Variants in SH3RF1 observed in about 807,000 individuals in gnomAD.
The protein encoded by SH3RF1 is E3 ubiquitin-protein ligase SH3RF1.
Under a neutral mutation model 74.0 loss-of-function variants are expected in SH3RF1, and 32 were observed. That is an observed-to-expected ratio of 0.43 (90% CI 0.33 to 0.58). The LOEUF is 0.58. SH3RF1 is among the 20% of genes least tolerant of loss of function. The probability of loss-of-function intolerance (pLI) is 0.05; values close to 1 mark genes in which losing one functional copy is unlikely to be tolerated. For missense variants in SH3RF1, 954 were observed against 1,130.9 expected (o/e 0.84, Z 2.24); for synonymous variants, 396 against 439.6 (o/e 0.90, Z 1.24).
intron 2 of SH3RF1, among the ~76,000 whole-genome samples, chr4:169,209,816 G>T (rs1441885429): frequency 6.6e-6 from 1 of 152,106 alleles, no homozygotes; most frequent in Non-Finnish European, 1.5e-5. Flanking sequence ...TGGAGACAGG[G>T]TCTCACTCTG....
At chr4:169,249,483 T>C (rs937224943) in intron 2 of SH3RF1, among the ~76,000 whole-genome samples, 6 of 152,178 alleles carry the variant, frequency 3.9e-5, no homozygotes, top group African/African-American at 9.7e-5. Context: ...AGAAATAAAT[T>C]TGGGGTATAT....
intron 11 of SH3RF1, among the ~76,000 whole-genome samples, chr4:169,104,182 G>C (rs567127220): frequency 6.6e-6 from 1 of 152,182 alleles, no homozygotes; most frequent in Non-Finnish European, 1.5e-5. Context: ...CCAGTGCCTA[G>C]GGAGAGTCTG....
intron 2 of SH3RF1, among the ~76,000 whole-genome samples, chr4:169,165,198 C>T (rs1162436242): frequency 6.6e-6 from 1 of 152,158 alleles, no homozygotes; most frequent in African/African-American, 2.4e-5. Flanking sequence ...AAGAATCTGC[C>T]CTTCTCTTGC....
At chr4:169,218,236 C>CTATAATATAGAATATGTTTATA (rs1730497152) in intron 2 of SH3RF1, among the ~76,000 whole-genome samples, 2 of 135,012 alleles carry the variant, frequency 1.5e-5, no homozygotes, top group African/African-American at 5.5e-5. Flanking sequence ...CATATTCTGT[C>CTATAATATAGAATATGTTTATA]TATAATATAG....
intron 2 of SH3RF1, among the ~76,000 whole-genome samples, chr4:169,194,763 G>C (rs1044821000): frequency 6.6e-6 from 1 of 152,148 alleles, no homozygotes; most frequent in Admixed American, 6.6e-5. Context: ...TTCATAAACT[G>C]TTGTACCAGT....
At chr4:169,107,649 T>C (rs1464370946) in intron 10 of SH3RF1, among the ~76,000 whole-genome samples, 1 of 152,250 alleles carries the variant, frequency 6.6e-6, no homozygotes, top group East Asian at 1.9e-4. Flanking sequence ...AACTTCTGCC[T>C]ATCCTATCTC....
At chr4:169,213,454 A>G (rs1730412965) in intron 2 of SH3RF1, among the ~76,000 whole-genome samples, 1 of 152,208 alleles carries the variant, frequency 6.6e-6, no homozygotes, top group Non-Finnish European at 1.5e-5. Context: ...TCTTTCACAA[A>G]TATTTTCTCC....
chr4:169,164,243 T>A (rs940581604), intron 2 of SH3RF1, among the ~76,000 whole-genome samples: 2 of 152,224 alleles, frequency 1.3e-5, no homozygotes, highest in Non-Finnish European at 2.9e-5. Flanking sequence ...TACCTCAGTG[T>A]CTGTGAAAAA....
chr4:169,139,154 C>T lies in SH3RF1; in HGVS notation c.766-2534G>A, dbSNP rs1733745051. Among the ~76,000 whole-genome samples the T allele has an allele frequency of 3.3e-5, 5 of 152,264 alleles. No individual in the cohort carries two copies. The South Asian group carries it at 1.0e-3, about 32-fold the overall frequency. ...AATGAGGTCTCATTATGATATCTAG[C>T]TGGTGTCGAACTTCTGAGCTCAAGC... On this transcript the variant is annotated intron_variant, in intron 4 of 11. Transcript: ENST00000284637.
At position 169,120,263 on chromosome 4, in the gene SH3RF1, T is replaced by C. The variant is rs571567715; in HGVS notation, c.1517+556A>G. 2.6e-5 allele frequency among the ~76,000 whole-genome samples: 4 copies of C among 152,328 alleles called. No individual in the cohort carries two copies. The South Asian group carries it at 8.3e-4, about 32-fold the overall frequency. On this transcript the variant is annotated intron_variant, in intron 8 of 11. Coordinates refer to ENST00000284637, the MANE Select transcript of SH3RF1 (RefSeq NM_020870.4). The stretch of plus-strand genomic sequence containing the variant: ...ATTTCTGACTATATTATAGAATTCA[T>C]TGTCAGAATTCAGAGGTAATTACCA...
In SH3RF1 at chr4:169,269,304, T is replaced by C. The variant is rs1341164088; in HGVS notation, c.-92A>G. On this transcript the variant is annotated 5_prime_UTR_variant, in exon 2 of 12. Coordinates refer to ENST00000284637, the MANE Select transcript of SH3RF1 (RefSeq NM_020870.4). ...CTCATGTAACATCCATTTCAGACTT[T>C]GCTCTAGAGTCATGGGGAAAAGGGG... 7.3e-7 allele frequency: 1 copy of C among 1,360,676 alleles called. No homozygotes were observed. Among genetic ancestry groups the C allele is most frequent in the Middle Eastern group, 1.9e-4 (1 of 5,334 alleles). 84.3% of individuals were successfully genotyped at this position (1,360,676 alleles called of 1,614,324 possible). A position where few individuals can be genotyped will look rare whatever the true frequency, so the allele number is the denominator to read the frequency against.
chr4:169,186,493 C>T (rs559409807), intron 2 of SH3RF1, among the ~76,000 whole-genome samples: 50 of 151,884 alleles, frequency 3.3e-4, no homozygotes, highest in African/African-American at 1.2e-3. Context: ...CATCCTGTTC[C>T]TTCAGGTGCA....
chr4:169,256,416 C>T (rs942253893), intron 2 of SH3RF1, among the ~76,000 whole-genome samples: 4 of 152,158 alleles, frequency 2.6e-5, no homozygotes, highest in African/African-American at 9.7e-5. Context: ...CAACCAGTGT[C>T]ACACTATAGT....
chr4:169,129,413 T>C (rs1733576601), intron 6 of SH3RF1, among the ~76,000 whole-genome samples: 1 of 152,252 alleles, frequency 6.6e-6, no homozygotes, highest in Non-Finnish European at 1.5e-5. Flanking sequence ...TCTTTGTATC[T>C]GTATCTCCTG....
intron 2 of SH3RF1, among the ~76,000 whole-genome samples, chr4:169,252,120 T>A (rs1243643798): frequency 1.3e-5 from 2 of 152,236 alleles, no homozygotes; most frequent in African/African-American, 4.8e-5. Flanking sequence ...CAGGTTGCAC[T>A]TAAGAGGGCC....
At chr4:169,225,998 A>AT (rs1730649205) in intron 2 of SH3RF1, among the ~76,000 whole-genome samples, 1 of 152,202 alleles carries the variant, frequency 6.6e-6, no homozygotes, top group Non-Finnish European at 1.5e-5. Flanking sequence ...TAAACACAAC[A>AT]GAAGAGACAA....
intron 2 of SH3RF1, among the ~76,000 whole-genome samples, chr4:169,264,428 A>G (rs1012303768): frequency 3.9e-5 from 6 of 152,182 alleles, no homozygotes; most frequent in Non-Finnish European, 7.3e-5. Context: ...AGGTACTAGG[A>G]GTTAGAACTT....
chr4:169,181,553 G>A (rs1417209431), intron 2 of SH3RF1, among the ~76,000 whole-genome samples: 6 of 151,910 alleles, frequency 3.9e-5, no homozygotes, highest in East Asian at 1.9e-4. Context: ...GAGCCACCGC[G>A]CCAGCCCTGG....
chr4:169,194,965 T>C (rs77498950), intron 2 of SH3RF1, among the ~76,000 whole-genome samples: 2,554 of 152,290 alleles, frequency 0.017, 73 homozygotes, highest in African/African-American at 0.057. Flanking sequence ...CAAGAAGACA[T>C]TGATGTTGTT....
Sources: gnomAD v4.1 joint callset for allele counts (sites outside exome capture counted in the v4.1 genomes callset) on GRCh38, gnomAD v4.1.1 for gene constraint, MANE v1.5 for transcripts, NCBI Gene and HGNC (gene_info 2026-07-23, HGNC 2026-07-21) for gene names.